Variants in JPT2 observed in about 807,000 individuals in gnomAD.
JPT2 encodes the protein Jupiter microtubule associated homolog 2.
A neutral mutation model predicts 15.9 loss-of-function variants in JPT2; 9 were observed. The observed-to-expected ratio is 0.57, with a 90% confidence interval of 0.34 to 0.99. The LOEUF (loss-of-function observed/expected upper bound fraction) is 0.99, where lower values mean the gene tolerates loss of function less well. Among genes scored for constraint, JPT2 ranks in the 50% least tolerant of loss-of-function variants. The pLI, the probability that JPT2 is intolerant of heterozygous loss-of-function variation, is 0.02. For synonymous variants in JPT2, 95 were observed against 91.7 expected (o/e 1.04, Z -0.21); for missense variants, 267 against 252.1 (o/e 1.06, Z -0.40).
chr16:1,687,139 T>G (rs1383438518), intron 2 of JPT2, among the ~76,000 whole-genome samples: 1 of 152,086 alleles, frequency 6.6e-6, no homozygotes, highest in Non-Finnish European at 1.5e-5. Flanking sequence ...TATGCCACCA[T>G]GCTTAGGTAA....
Position 1,698,093 on chromosome 16 carries a change from G to A in JPT2, c.385+233G>A, listed in dbSNP as rs1194842396. Among the ~76,000 whole-genome samples, 3 of 152,198 alleles carry A rather than the reference G, an allele frequency of 2.0e-5. No individual in the cohort carries two copies. The highest frequency in any genetic ancestry group is 4.4e-5 in the Non-Finnish European group (3 of 68,032). ...AGCCTAGGCCCAGGGCCATGGGGTC[G>A]TCTCCTAGAAGCTCATCTGTGTAGT... On this transcript the variant is annotated intron_variant, in intron 4 of 4. Coordinates refer to ENST00000248098, the MANE Select transcript of JPT2 (RefSeq NM_144570.3). This position sits in a 1 kb window ranked among gnomAD's most constrained non-coding sequence, Gnocchi z 4.9.
At chr16:1,680,230 C>G in intron 1 of JPT2, 1 of 674,610 alleles carries the variant, frequency 1.5e-6, no homozygotes, top group Non-Finnish European at 1.8e-6. Context: ...CCAGCCCTGT[C>G]CCAGTTGTGT....
chr16:1,685,519 G>A lies in JPT2; in HGVS notation c.125G>A (p.Arg42Lys). ...EEATPSSRPN[R>K]MASNIFGPTE... is the part of the protein sequence containing the mutation. ...GCTACTCCTTCCAGCAGGCCTAATA[G>A]GATGGCATCTAATATTTTTGGACCA... The change falls in exon 2 of 5, where the codon AGG becomes AAG. Residue 42 changes from arginine to lysine, a missense_variant. Coordinates refer to ENST00000248098, the MANE Select transcript of JPT2 (RefSeq NM_144570.3). The A allele has an allele frequency of 6.2e-7, 1 of 1,614,074 alleles. No individual in the cohort carries two copies. The highest frequency in any genetic ancestry group is 8.5e-7 in the Non-Finnish European group (1 of 1,180,002).
At chr16:1,683,521 G>A in intron 1 of JPT2, 1 of 1,534,680 alleles carries the variant, frequency 6.5e-7, no homozygotes, top group South Asian at 1.2e-5. Context: ...AATGGCAACT[G>A]CTGACAGGAA....
Position 1,699,267 on chromosome 16 carries a change from A to C in JPT2, c.*269A>C. The stretch of plus-strand genomic sequence containing the variant: ...TTTGAGAGGAACTGGAAGGGGGGTG[A>C]GGGTGGGGAGGTGGGGCAGGGCATG... On this transcript the variant is annotated 3_prime_UTR_variant, in exon 5 of 5. Coordinates refer to ENST00000248098, the MANE Select transcript of JPT2 (RefSeq NM_144570.3). The C allele has an allele frequency of 2.4e-6, 1 of 423,284 alleles. No homozygotes were observed. Among genetic ancestry groups the C allele is most frequent in the Non-Finnish European group, 4.7e-6 (1 of 213,294 alleles). The allele number at this position is 423,284 out of a possible 1,614,324, so 26.2% of individuals were successfully genotyped here.
At chr16:1,692,324 G>A (rs377111874) in intron 3 of JPT2, 27 of 297,062 alleles carry the variant, frequency 9.1e-5, no homozygotes, top group East Asian at 2.2e-4. Context: ...GCCCTTGTCC[G>A]TCTTCCACTC....
At position 1,699,014 on chromosome 16, in the gene JPT2, C is replaced by T; in HGVS notation, c.*16C>T. Reference sequence around the variant, plus strand: ...CTTCTACTAAGAGAAGCCACTGCTCCACCCGGAGCCAGACCAGAAACTCAA... The same window carrying T: ...CTTCTACTAAGAGAAGCCACTGCTCTACCCGGAGCCAGACCAGAAACTCAA... On this transcript the variant is annotated 3_prime_UTR_variant, in exon 5 of 5. Transcript: ENST00000248098. 2 of 1,610,886 alleles carry T rather than the reference C, an allele frequency of 1.2e-6. No homozygotes were observed. Among genetic ancestry groups the T allele is most frequent in the Non-Finnish European group, 1.7e-6 (2 of 1,178,198 alleles).
In JPT2 at chr16:1,698,987, T is replaced by A; in HGVS notation, c.562T>A (p.Ser188Thr). 1.9e-6 allele frequency: 3 copies of A among 1,612,530 alleles called. No individual in the cohort carries two copies. The highest frequency in any genetic ancestry group is 2.5e-6 in the Non-Finnish European group (3 of 1,179,094). Residue 188 changes from serine to threonine, a missense_variant, in exon 5 of 5, where the codon TCC (serine) becomes ACC (threonine). Ser to Thr is a moderately conservative substitution (Grantham distance 58, BLOSUM62 1). Transcript: ENST00000248098. The surrounding 1 kb of genome is among the most constrained non-coding windows in gnomAD (Gnocchi z 4.9). Reference sequence around the variant, plus strand: ...CCCACCGGGAGGCAAATCCAGCATCTCCTTCTACTAAGAGAAGCCACTGCT... The same window carrying A: ...CCCACCGGGAGGCAAATCCAGCATCACCTTCTACTAAGAGAAGCCACTGCT... ...LNPPGGKSSISFY is the reference protein window; with the variant it reads ...LNPPGGKSSITFY
chr16:1,697,734 TC>T (rs2037152847), intron 3 of JPT2, 77 bp from the exon 4 acceptor site: 1 of 1,351,300 alleles, frequency 7.4e-7, no homozygotes, highest in Non-Finnish European at 1.1e-6. Flanking sequence ...GGTTATATGG[TC>T]CTGATTTTCA....
chr16:1,697,020 T>G (rs2037146976), intron 3 of JPT2, among the ~76,000 whole-genome samples: 1 of 152,206 alleles, frequency 6.6e-6, no homozygotes, highest in Admixed American at 6.5e-5. Context: ...GCACCAGGAT[T>G]ATTCACAGTA....
At chr16:1,702,501 A>C (rs2037186074), downstream of JPT2, among the ~76,000 whole-genome samples, 1 of 152,242 alleles carries the variant, frequency 6.6e-6, no homozygotes, top group African/African-American at 2.4e-5. Context: ...TGTGAATAAC[A>C]GACCCCGAAG....
At chr16:1,685,087 G>T (rs896689604) in intron 1 of JPT2, among the ~76,000 whole-genome samples, 2 of 152,106 alleles carry the variant, frequency 1.3e-5, no homozygotes, top group Admixed American at 1.3e-4. Flanking sequence ...AGCACTTTGG[G>T]ACGCCAAGGT....
In JPT2 at chr16:1,701,314, AACAAAAAGCCTGTACTCACATC is replaced by A. The variant is rs2037178710; in HGVS notation, c.*2321_*2342del. The A allele has an allele frequency of 1.3e-5, 2 of 152,668 alleles. No homozygotes were observed. The highest frequency in any genetic ancestry group is 4.1e-4 in the South Asian group (2 of 4,836). 9.5% of individuals were successfully genotyped at this position (152,668 alleles called of 1,614,324 possible). ...CCAACATTTTTTAGAGCTGTACCAA[AACAAAAAGCCTGTACTCACATC>A]ACAATGTCATTTTGATAGGAGCGTT... On this transcript the variant is annotated 3_prime_UTR_variant, in exon 5 of 5. Coordinates refer to ENST00000248098, the MANE Select transcript of JPT2 (RefSeq NM_144570.3).
Position 1,698,652 on chromosome 16 carries a change from G to T in JPT2, c.386-159G>T, listed in dbSNP as rs540078424. On this transcript the variant is annotated intron_variant, in intron 4 of 4. Coordinates refer to ENST00000248098, the MANE Select transcript of JPT2 (RefSeq NM_144570.3). This position sits in a 1 kb window ranked among gnomAD's most constrained non-coding sequence, Gnocchi z 4.9. ...CTGCTAATTACAGTGAGTTGTTTTG[G>T]TACCAGATGAAAAGCCTGTCTATAT... Among the ~76,000 whole-genome samples, 1 of 152,194 alleles carries T rather than the reference G, an allele frequency of 6.6e-6. No homozygotes were observed. Among genetic ancestry groups the T allele is most frequent in the Non-Finnish European group, 1.5e-5 (1 of 68,034 alleles).
intron 3 of JPT2, among the ~76,000 whole-genome samples, chr16:1,694,709 G>C (rs1017930384): frequency 6.6e-6 from 1 of 151,754 alleles, no homozygotes; most frequent in Non-Finnish European, 1.5e-5. Flanking sequence ...TTTTCACAAG[G>C]GTGCCAAGAT....
chr16:1,695,405 CAAA>C (rs35052397), intron 3 of JPT2, among the ~76,000 whole-genome samples: 13 of 121,326 alleles, frequency 1.1e-4, no homozygotes, highest in Admixed American at 5.1e-4. Flanking sequence ...AACTCCGTCC[CAAA>C]AAAAAAAAAA....
rs956748461 is a variant in JPT2 at position 1,700,615 on chromosome 16, C to T, written c.*1617C>T. 5 of 164,460 alleles carry T rather than the reference C, an allele frequency of 3.0e-5. No homozygotes were observed. The highest frequency in any genetic ancestry group is 1.2e-4 in the African/African-American group (5 of 41,958). 10.2% of individuals were successfully genotyped at this position (164,460 alleles called of 1,614,324 possible). ...TTTGTCAACCAAAGACAGCTTCCCC[C>T]TTTTGATTGCCTGTAGACTTTGGAG... is the stretch of plus-strand genomic sequence containing the variant. On this transcript the variant is annotated 3_prime_UTR_variant, in exon 5 of 5. Transcript: ENST00000248098.
At chr16:1,702,557 C>T (rs1274550715), downstream of JPT2, among the ~76,000 whole-genome samples, 1 of 152,236 alleles carries the variant, frequency 6.6e-6, no homozygotes, top group African/African-American at 2.4e-5. Flanking sequence ...TACACAGGCT[C>T]TTTTGATGTC....
In JPT2 at chr16:1,701,874, A is replaced by G. The variant is rs1166641090; in HGVS notation, c.*2876A>G. 3.6e-6 allele frequency: 1 copy of G among 279,752 alleles called. No homozygotes were observed. The highest frequency in any genetic ancestry group is 7.3e-6 in the Non-Finnish European group (1 of 136,470). 17.3% of individuals were successfully genotyped at this position (279,752 alleles called of 1,614,324 possible). On this transcript the variant is annotated 3_prime_UTR_variant, in exon 5 of 5. Transcript: ENST00000248098. Reference sequence around the variant, plus strand: ...CAACATACTACGACCCTGTCTATACAAAAAAAAACTTCTCTAAATTAGCCG... The same window carrying G: ...CAACATACTACGACCCTGTCTATACGAAAAAAAACTTCTCTAAATTAGCCG...
Sources: allele counts gnomAD v4.1 joint callset (sites outside exome capture counted in the v4.1 genomes callset), GRCh38; gene constraint gnomAD v4.1.1; non-coding constraint Gnocchi (gnomAD v3.1); transcripts MANE v1.5; gene names NCBI Gene and HGNC (gene_info 2026-07-23, HGNC 2026-07-21).